Variants in ZNF675 observed in about 807,000 individuals in gnomAD.
The protein encoded by ZNF675 is TRAF6 inhibitory zinc finger.
In ZNF675, 36 loss-of-function variants were observed where a neutral mutation model predicts 56.1. The observed-to-expected ratio is 0.64, with a 90% CI of 0.49 to 0.85. The LOEUF is 0.85. Among genes scored for constraint, ZNF675 ranks in the 40% least tolerant of loss-of-function variants. The pLI is 0.00. For missense variants in ZNF675, 663 were observed against 654.2 expected (o/e 1.01, Z -0.15); for synonymous variants, 200 against 218.9 (o/e 0.91, Z 0.76).
At chr19:23,684,077 CG>C (rs1324166235) in intron 1 of ZNF675, among the ~76,000 whole-genome samples, 1 of 150,612 alleles carries the variant, frequency 6.6e-6, no homozygotes, top group Non-Finnish European at 1.5e-5. Context: ...CTGGCTAACA[CG>C]GTGAAACCCC....
At chr19:23,655,288 A>T (rs1967968746) in intron 3 of ZNF675, 3 of 152,254 alleles carry the variant, frequency 2.0e-5, no homozygotes, top group Admixed American at 2.0e-4. Flanking sequence ...ATATAGAGGA[A>T]TACCTGAGAG....
chr19:23,661,510 G>A (rs1968078109), intron 3 of ZNF675, among the ~76,000 whole-genome samples: 1 of 152,002 alleles, frequency 6.6e-6, no homozygotes, highest in Non-Finnish European at 1.5e-5. Flanking sequence ...GGCCAACATG[G>A]TGAAACCCCA....
In ZNF675 at chr19:23,654,627, T is replaced by C; in HGVS notation, c.306A>G (p.Arg102=). 6.2e-7 allele frequency: 1 copy of C among 1,609,048 alleles called. No homozygotes were observed. Among genetic ancestry groups the C allele is most frequent in the Non-Finnish European group, 8.5e-7 (1 of 1,177,970 alleles). Residue 102 remains arginine, a synonymous_variant, in exon 4 of 4, where the codon AGA becomes AGG. Transcript: ENST00000359788. ...KDSFEKVTLR[R]YEKCGNDNFQ... ...AATTATCATTTCCACATTTTTCATA[T>C]CTTCTCAGTGTCACTTTTTCAAAAG...
At chr19:23,668,516 G>A (rs886950976) in intron 1 of ZNF675, among the ~76,000 whole-genome samples, 11 of 152,256 alleles carry the variant, frequency 7.2e-5, no homozygotes, top group African/African-American at 2.2e-4. Context: ...CCAGTCCTGC[G>A]CCATGCGCTC....
chr19:23,673,691 AG>A (rs1206032220), intron 1 of ZNF675, among the ~76,000 whole-genome samples: 1 of 152,108 alleles, frequency 6.6e-6, no homozygotes, highest in Non-Finnish European at 1.5e-5. Context: ...GGGCAAGGGG[AG>A]GGAGAGCATT....
At position 23,672,314 on chromosome 19, in the gene ZNF675, G is replaced by A. The variant is rs970535360; in HGVS notation, c.4-9156C>T. Among the ~76,000 whole-genome samples, 6 of 151,052 alleles carry A rather than the reference G, an allele frequency of 4.0e-5. No individual in the cohort carries two copies. In the South Asian group the frequency reaches 6.3e-4, roughly 16 times the overall value. On this transcript the variant is annotated intron_variant, in intron 1 of 3. Transcript: ENST00000359788. ...GTAGGTATAGTTTGGTCATGGCACT[G>A]GATACCTTGTAAGTCTTAATCTCTT... is the stretch of plus-strand genomic sequence containing the variant.
chr19:23,666,710 G>C (rs1968154809), intron 1 of ZNF675, among the ~76,000 whole-genome samples: 1 of 150,558 alleles, frequency 6.6e-6, no homozygotes, highest in Non-Finnish European at 1.5e-5. Flanking sequence ...AGAGGAGGTA[G>C]GCCCAAAGTA....
At chr19:23,664,470 C>T (rs1968123129) in intron 1 of ZNF675, among the ~76,000 whole-genome samples, 1 of 152,068 alleles carries the variant, frequency 6.6e-6, no homozygotes, top group Non-Finnish European at 1.5e-5. Flanking sequence ...GTGTCCTCCC[C>T]TGCCATGGAC....
chr19:23,666,776 TTCTCTTTC>T (rs541833537), intron 1 of ZNF675, among the ~76,000 whole-genome samples: 84 of 114,902 alleles, frequency 7.3e-4, no homozygotes, highest in Admixed American at 1.4e-3. Flanking sequence ...TTCTCTCTTT[TTCTCTTTC>T]TCTCTCTTTC....
chr19:23,670,610 T>C (rs1193045832), intron 1 of ZNF675, among the ~76,000 whole-genome samples: 2 of 152,000 alleles, frequency 1.3e-5, no homozygotes, highest in African/African-American at 4.8e-5. Context: ...GTTCCCCTCA[T>C]ACTCAAGGGG....
chr19:23,671,478 T>C (rs7256706), intron 1 of ZNF675, among the ~76,000 whole-genome samples: 147,832 of 152,176 alleles, frequency 0.97, 71,970 homozygotes, highest in Middle Eastern at 1. Context: ...AAAGTGGGCA[T>C]TGGGCAAAGG....
Position 23,654,255 on chromosome 19 carries a change from T to C in ZNF675, c.678A>G (p.Lys226=). 1.2e-6 allele frequency: 2 copies of C among 1,613,438 alleles called. No individual in the cohort carries two copies. The highest frequency in any genetic ancestry group is 1.7e-6 in the Non-Finnish European group (2 of 1,179,844). Reference sequence around the variant, plus strand: ...TGTCACATTCTTGACATTTGTAGAGTTTCTCACAAGTATAAATTCTTTTAT... The same window carrying C: ...TGTCACATTCTTGACATTTGTAGAGCTTCTCACAAGTATAAATTCTTTTAT... ...TKHKRIYTCE[K]LYKCQECDRT... The change falls in exon 4 of 4, where the codon AAA becomes AAG. Residue 226 remains lysine, a synonymous_variant. Coordinates refer to ENST00000359788, the MANE Select transcript of ZNF675 (RefSeq NM_138330.3).
chr19:23,675,122 A>G (rs1438260309), intron 1 of ZNF675, among the ~76,000 whole-genome samples: 1 of 151,868 alleles, frequency 6.6e-6, no homozygotes, highest in Non-Finnish European at 1.5e-5. Context: ...TTGGGCACAC[A>G]GTATTCACTT....
chr19:23,682,267 T>A (rs1968386793), intron 1 of ZNF675, among the ~76,000 whole-genome samples: 1 of 151,746 alleles, frequency 6.6e-6, no homozygotes. Flanking sequence ...AAACCTGACT[T>A]TTTCACTCTC....
intron 1 of ZNF675, among the ~76,000 whole-genome samples, chr19:23,677,808 T>C (rs961249118): frequency 1.0e-4 from 15 of 150,030 alleles, no homozygotes; most frequent in Admixed American, 5.3e-4. Context: ...GGACAAGAAT[T>C]ACAAAACACT....
At chr19:23,659,155 AGC>A (rs1968043708) in intron 3 of ZNF675, among the ~76,000 whole-genome samples, 1 of 152,032 alleles carries the variant, frequency 6.6e-6, no homozygotes, top group Admixed American at 6.6e-5. Context: ...TCCTACATCA[AGC>A]CTAAATTTAT....
chr19:23,681,932 G>C lies in ZNF675; in HGVS notation c.3+5099C>G, dbSNP rs575622545. 1.0e-3 allele frequency among the ~76,000 whole-genome samples: 152 copies of C among 151,840 alleles called. 1 individual carries two copies. Among genetic ancestry groups the C allele is most frequent in the Non-Finnish European group, 2.0e-3 (138 of 68,020 alleles). On this transcript the variant is annotated intron_variant, in intron 1 of 3. Coordinates refer to ENST00000359788, the MANE Select transcript of ZNF675 (RefSeq NM_138330.3). ...GAAGCACATAGATAATCCTGGTAAAGAGCTATGATTAATAAAATTCTCCAT... is the reference window on the plus strand; with the variant it reads ...GAAGCACATAGATAATCCTGGTAAACAGCTATGATTAATAAAATTCTCCAT...
chr19:23,666,816 C>A (rs73568852), intron 1 of ZNF675, among the ~76,000 whole-genome samples: 2 of 151,470 alleles, frequency 1.3e-5, no homozygotes, highest in African/African-American at 4.8e-5. Context: ...TCCCCTCCCC[C>A]CAACCCAGGG....
chr19:23,685,028 G>C (rs1307367131), intron 1 of ZNF675, among the ~76,000 whole-genome samples: 1 of 152,000 alleles, frequency 6.6e-6, no homozygotes, highest in Non-Finnish European at 1.5e-5. Flanking sequence ...TTTTTGAGAT[G>C]GAGTTTCACT....
Sources: allele counts gnomAD v4.1 joint callset (sites outside exome capture counted in the v4.1 genomes callset), GRCh38; gene constraint gnomAD v4.1.1; transcripts MANE v1.5; gene names NCBI Gene and HGNC (gene_info 2026-07-23, HGNC 2026-07-21).